ENOX1: variants seen among roughly 807,000 people sequenced by gnomAD.
The protein encoded by ENOX1 is candidate growth-related and time keeping constitutive hydroquinone (NADH) oxidase.
In ENOX1, 42 loss-of-function variants were observed where a neutral mutation model predicts 82.5. The observed-to-expected ratio is 0.51, with a 90% CI of 0.40 to 0.66. The LOEUF is 0.66. ENOX1 is among the 30% of genes least tolerant of loss of function. ENOX1 has a pLI of 0.00. For missense variants in ENOX1, 608 were observed against 811.6 expected (o/e 0.75, Z 3.05); for synonymous variants, 271 against 282.2 (o/e 0.96, Z 0.40).
intron 2 of ENOX1, among the ~76,000 whole-genome samples, chr13:43,575,315 C>T (rs940188734): frequency 1.3e-5 from 2 of 152,172 alleles, no homozygotes; most frequent in African/African-American, 4.8e-5. Context: ...GCAAACAGTA[C>T]CTGCTTCCCA....
intron 5 of ENOX1, among the ~76,000 whole-genome samples, chr13:43,405,683 A>G (rs1016388695): frequency 2.0e-5 from 3 of 152,194 alleles, no homozygotes; most frequent in Admixed American, 6.5e-5. Context: ...GAAATGTCTC[A>G]TGAATCCCTT....
chr13:43,281,817 C>T (rs1345076268), intron 12 of ENOX1, among the ~76,000 whole-genome samples: 5 of 152,098 alleles, frequency 3.3e-5, no homozygotes, highest in African/African-American at 1.2e-4. Context: ...AATAGGGAGA[C>T]CACGTTTTTA....
chr13:43,399,927 C>T lies in ENOX1; in HGVS notation c.208+11989G>A, dbSNP rs571327866. Among the ~76,000 whole-genome samples the T allele has an allele frequency of 4.6e-5, 7 of 152,228 alleles. No individual in the cohort carries two copies. In the East Asian group the frequency reaches 1.2e-3, roughly 25 times the overall value. The stretch of plus-strand genomic sequence containing the variant: ...TCCTCAGCTCTGCCCATCCAGCCAC[C>T]CCTCCACTTTCTTGCCTCATCAGCC... On this transcript the variant is annotated intron_variant, in intron 5 of 16. Transcript: ENST00000690772.
intron 5 of ENOX1, among the ~76,000 whole-genome samples, chr13:43,365,397 G>A (rs572538279): frequency 6.6e-6 from 1 of 152,302 alleles, no homozygotes; most frequent in South Asian, 2.1e-4. Context: ...GCAGTAATCA[G>A]GCTAAATGGC....
At chr13:43,576,574 C>T (rs531508305) in intron 2 of ENOX1, among the ~76,000 whole-genome samples, 18 of 152,150 alleles carry the variant, frequency 1.2e-4, no homozygotes, top group Admixed American at 3.9e-4. Context: ...TTAGTACATA[C>T]TGCTACTGAA....
chr13:43,312,881 G>A (rs907174670), intron 11 of ENOX1, among the ~76,000 whole-genome samples: 2 of 152,104 alleles, frequency 1.3e-5, no homozygotes, highest in African/African-American at 4.8e-5. Flanking sequence ...GGAAGACCAA[G>A]CAGAAGCCCC....
At chr13:43,269,766 GTTGT>G (rs750927597) in intron 12 of ENOX1, among the ~76,000 whole-genome samples, 189 bp from the exon 13 acceptor site, 24 of 152,008 alleles carry the variant, frequency 1.6e-4, no homozygotes, top group Non-Finnish European at 3.2e-4. Context: ...CACACTTTAG[GTTGT>G]TTGTGATACT....
chr13:43,569,631 T>C (rs9533532), intron 2 of ENOX1, among the ~76,000 whole-genome samples: 72,865 of 151,200 alleles, frequency 0.48, 18,948 homozygotes, highest in Non-Finnish European at 0.6. Flanking sequence ...TAGAATCTTT[T>C]CCTTAGAATA....
chr13:43,410,715 CA>C (rs1358225911), intron 5 of ENOX1, among the ~76,000 whole-genome samples: 1 of 151,526 alleles, frequency 6.6e-6, no homozygotes, highest in African/African-American at 2.4e-5. Flanking sequence ...AGAAACACAA[CA>C]AAAAACAAAT....
At position 43,710,521 on chromosome 13, in the gene ENOX1, C is replaced by T. The variant is rs545208866; in HGVS notation, c.-284-42977G>A. Reference sequence around the variant, plus strand: ...ACTCAATTAATTGAAAAACTTTAGACACATAATACTACCTGCTATCACTAC... The same window carrying T: ...ACTCAATTAATTGAAAAACTTTAGATACATAATACTACCTGCTATCACTAC... On this transcript the variant is annotated intron_variant, in intron 1 of 16. Transcript: ENST00000690772. Among the ~76,000 whole-genome samples the T allele has an allele frequency of 2.0e-5, 3 of 152,190 alleles. No individual in the cohort carries two copies. The South Asian group carries it at 6.2e-4, about 32-fold the overall frequency.
intron 11 of ENOX1, among the ~76,000 whole-genome samples, chr13:43,307,326 T>A (rs557402564): frequency 8.5e-4 from 129 of 152,334 alleles, no homozygotes; most frequent in Admixed American, 2.9e-3. Context: ...CTGTACCACT[T>A]TGGTATCTCT....
chr13:43,515,682 T>A (rs574855311), intron 2 of ENOX1, among the ~76,000 whole-genome samples: 2 of 152,264 alleles, frequency 1.3e-5, no homozygotes, highest in African/African-American at 4.8e-5. Context: ...AGTCCATTTG[T>A]CAACCACTAC....
intron 3 of ENOX1, among the ~76,000 whole-genome samples, chr13:43,476,915 G>C (rs1342344350): frequency 6.6e-6 from 1 of 151,938 alleles, no homozygotes; most frequent in East Asian, 1.9e-4. Context: ...GGTGCAGGCA[G>C]GTAATTGTCC....
At chr13:43,375,919 G>C (rs531407516) in intron 5 of ENOX1, among the ~76,000 whole-genome samples, 1 of 152,270 alleles carries the variant, frequency 6.6e-6, no homozygotes, top group East Asian at 1.9e-4. Context: ...CAGATCGGTA[G>C]GCCTCTTGCA....
chr13:43,240,682 G>A (rs764925684), intron 14 of ENOX1, among the ~76,000 whole-genome samples: 9 of 152,308 alleles, frequency 5.9e-5, no homozygotes, highest in Non-Finnish European at 1.3e-4. Context: ...TGTGTGTTCA[G>A]TTTTGGAAAT....
intron 2 of ENOX1, among the ~76,000 whole-genome samples, chr13:43,590,812 A>C (rs540982550): frequency 6.6e-6 from 1 of 151,934 alleles, no homozygotes; most frequent in East Asian, 1.9e-4. Context: ...CCTATGTATC[A>C]AAAGATAAAG....
At chr13:43,677,830 C>T (rs1030263894) in intron 1 of ENOX1, among the ~76,000 whole-genome samples, 5 of 152,132 alleles carry the variant, frequency 3.3e-5, no homozygotes, top group Admixed American at 2.0e-4. Flanking sequence ...TTCTGACTTG[C>T]GATCCTGTGG....
intron 1 of ENOX1, among the ~76,000 whole-genome samples, chr13:43,685,178 A>G (rs2086002158): frequency 6.6e-6 from 1 of 151,908 alleles, no homozygotes; most frequent in Non-Finnish European, 1.5e-5. Context: ...ACTTTCCTAC[A>G]ATGGGTCTCT....
At chr13:43,543,376 T>C (rs1265597053) in intron 2 of ENOX1, among the ~76,000 whole-genome samples, 1 of 152,208 alleles carries the variant, frequency 6.6e-6, no homozygotes, top group Non-Finnish European at 1.5e-5. Flanking sequence ...ATATACTGTA[T>C]GTAATAGAGG....
Sources: allele counts gnomAD v4.1 joint callset (sites outside exome capture counted in the v4.1 genomes callset), GRCh38; gene constraint gnomAD v4.1.1; transcripts MANE v1.5; gene names NCBI Gene and HGNC (gene_info 2026-07-23, HGNC 2026-07-21).